ILDR2: variants seen among roughly 807,000 people sequenced by gnomAD.
The protein encoded by ILDR2 is immunoglobulin-like domain-containing receptor 2.
Under a neutral mutation model 66.8 loss-of-function variants are expected in ILDR2, and 25 were observed. That is an observed-to-expected ratio of 0.37 (90% CI 0.27 to 0.52). The LOEUF is 0.52. Ranked by LOEUF, ILDR2 falls within the 20% of genes least tolerant of loss-of-function variation. The probability of loss-of-function intolerance (pLI) is 0.88; values close to 1 mark genes in which losing one functional copy is unlikely to be tolerated. For synonymous variants in ILDR2, 367 were observed against 357.2 expected (o/e 1.03, Z -0.31); for missense variants, 827 against 876.8 (o/e 0.94, Z 0.72).
chr1:166,953,192 T>C (rs1662085974), intron 3 of ILDR2, among the ~76,000 whole-genome samples: 2 of 152,202 alleles, frequency 1.3e-5, no homozygotes, highest in South Asian at 4.1e-4. Context: ...AGGGGACAAC[T>C]GACCAAAGTG....
In ILDR2 at chr1:166,921,091, C is replaced by A; in HGVS notation, c.1500G>T (p.Ala500=). The A allele has an allele frequency of 6.7e-7, 1 of 1,494,012 alleles. No homozygotes were observed. 92.5% of individuals were successfully genotyped at this position (1,494,012 alleles called of 1,614,324 possible). ...DADRGWAFSP[A]RRRPAEDAHL... is the part of the protein sequence containing the mutation. Reference sequence around the variant, plus strand: ...GCGCGTCCTCGGCGGGTCTGCGGCGCGCGGGGCTGAAGGCCCAGCCGCGGT... The same window carrying A: ...GCGCGTCCTCGGCGGGTCTGCGGCGAGCGGGGCTGAAGGCCCAGCCGCGGT... Residue 500 remains alanine (A), a synonymous_variant, in exon 9 of 10, where the codon GCG becomes GCT. Transcript: ENST00000271417. This position sits in a 1 kb window ranked among gnomAD's most constrained non-coding sequence, Gnocchi z 5.3.
At chr1:166,966,632 A>T (rs1199300421) in intron 1 of ILDR2, among the ~76,000 whole-genome samples, 4 of 152,238 alleles carry the variant, frequency 2.6e-5, no homozygotes, top group African/African-American at 9.6e-5. Context: ...CTGCGTAGGT[A>T]AAAGCTAGAA....
rs1465712828 is a variant in ILDR2, at chr1:166,910,344, CT to C, written c.*9010del. On this transcript the variant is annotated 3_prime_UTR_variant, in exon 10 of 10. Transcript: ENST00000271417. Reference sequence around the variant, plus strand: ...AAAACATAATATGGCAAGTTCTAAACTTGCAAAGTGTAAGAAAAACATATCA... The same window carrying C: ...AAAACATAATATGGCAAGTTCTAAACTGCAAAGTGTAAGAAAAACATATCA... The C allele has an allele frequency of 6.6e-6, 1 of 152,148 alleles. No homozygotes were observed. Among genetic ancestry groups the C allele is most frequent in the Non-Finnish European group, 1.5e-5 (1 of 68,024 alleles). The allele number at this position is 152,148 out of a possible 1,614,324, so 9.4% of individuals were successfully genotyped here.
At position 166,921,166 on chromosome 1, in the gene ILDR2, C is replaced by T; in HGVS notation, c.1425G>A (p.Glu475=). Residue 475 remains glutamate, a synonymous_variant, in exon 9 of 10, where the codon GAG becomes GAA. Transcript: ENST00000271417. The surrounding 1 kb of genome is among the most constrained non-coding windows in gnomAD (Gnocchi z 5.3). The part of the protein sequence containing the change: ...HSGFYQDDSL[E]EYYGQRSRSR... ...TGCGGCTGCGCTGACCGTAGTACTC[C>T]TCCAAGGAGTCGTCCTGGTAGAAGC... 6.5e-7 allele frequency: 1 copy of T among 1,549,362 alleles called. No homozygotes were observed. Among genetic ancestry groups the T allele is most frequent in the Non-Finnish European group, 8.7e-7 (1 of 1,154,418 alleles).
rs1369429236 is a variant in ILDR2, at chr1:166,927,112, T to C, written c.949A>G (p.Lys317Glu). The change falls in exon 7 of 10, where the codon AAG (lysine) becomes GAG (glutamate). Residue 317 changes from lysine (K) to glutamate (E), a missense_variant. Lys to Glu is a moderately conservative substitution (Grantham distance 56). This residue lies in a region of ILDR2 where 437 missense variants were observed against 523.2 expected (regional missense o/e 0.84). Transcript: ENST00000271417. ...GCTGGATCAAACTGAGCCAGCTCCTTCTCAACATAGTACAGGACCTTCATG... is the reference window on the plus strand; with the variant it reads ...GCTGGATCAAACTGAGCCAGCTCCTCCTCAACATAGTACAGGACCTTCATG... ...DSMKVLYYVE[K>E]ELAQFDPARR... The C allele has an allele frequency of 1.2e-6, 2 of 1,613,452 alleles. No individual in the cohort carries two copies. The highest frequency in any genetic ancestry group is 1.3e-5 in the African/African-American group (1 of 74,884).
In ILDR2 at chr1:166,914,116, CAA is replaced by C. The variant is rs11443216; in HGVS notation, c.*5237_*5238del. On this transcript the variant is annotated 3_prime_UTR_variant, in exon 10 of 10. Transcript: ENST00000271417. Reference sequence around the variant, plus strand: ...TGGGCCACAGAGCAAGACCCTGTCTCAAAAAAAAAAAAAAGAAAGAAAAAGAA... The same window carrying C: ...TGGGCCACAGAGCAAGACCCTGTCTCAAAAAAAAAAAAGAAAGAAAAAGAA... 3.3e-4 allele frequency: 45 copies of C among 135,648 alleles called. No individual in the cohort carries two copies. The highest frequency in any genetic ancestry group is 3.4e-4 in the Non-Finnish European group (22 of 64,062). The allele number at this position is 135,648 out of a possible 1,614,324, so 8.4% of individuals were successfully genotyped here. A position where few individuals can be genotyped will look rare whatever the true frequency, so the allele number is the denominator to read the frequency against.
chr1:166,959,877 T>C (rs1354693495), intron 1 of ILDR2, among the ~76,000 whole-genome samples: 8 of 152,190 alleles, frequency 5.3e-5, no homozygotes, highest in Non-Finnish European at 8.8e-5. Flanking sequence ...AAGTTCCAAA[T>C]TGAATCCAGG....
chr1:166,958,024 A>T lies in ILDR2; in HGVS notation c.124T>A (p.Cys42Ser), dbSNP rs755561249. 1 of 1,614,136 alleles carries T rather than the reference A, an allele frequency of 6.2e-7. No homozygotes were observed. The highest frequency in any genetic ancestry group is 8.5e-7 in the Non-Finnish European group (1 of 1,180,024). The change falls in exon 2 of 10, where the codon TGC becomes AGC. Residue 42 changes from cysteine to serine, a missense_variant. Transcript: ENST00000271417. ...TGATGGGAGGATGTTGAGAAGTGGC[A>T]GCGAAGCACAGTGGGCTGGAAGAGC... is the stretch of plus-strand genomic sequence containing the variant. ...AMLFQPTVLR[C>S]HFSTSSHQPA...
intron 1 of ILDR2, among the ~76,000 whole-genome samples, chr1:166,958,799 T>C (rs1662437653): frequency 3.9e-5 from 6 of 152,328 alleles, no homozygotes; most frequent in Middle Eastern, 6.8e-3. Context: ...AATCTTTTGT[T>C]TGGTCTCCCT....
chr1:166,898,141 C>T (rs945682965), intron 2 of ILDR2, among the ~76,000 whole-genome samples: 13 of 152,266 alleles, frequency 8.5e-5, no homozygotes, highest in Non-Finnish European at 1.5e-4. Flanking sequence ...GAAATGAAGT[C>T]TAGTTGGGGC....
chr1:166,898,145 T>A lies in ILDR2; in HGVS notation n.172-2044A>T, dbSNP rs142669685. ...GACACCCATAGGAAATGAAGTCTAGTTGGGGCACGAATTTGGTATCATGCC... is the reference window on the plus strand; with the variant it reads ...GACACCCATAGGAAATGAAGTCTAGATGGGGCACGAATTTGGTATCATGCC... On this transcript the variant is annotated intron_variant and non_coding_transcript_variant, in intron 2 of 2. Coordinates refer to the ILDR2 transcript ENST00000414590. Among the ~76,000 whole-genome samples, 21 of 152,292 alleles carry A rather than the reference T, an allele frequency of 1.4e-4. 1 individual carries two copies. The highest frequency in any genetic ancestry group is 4.8e-4 in the African/African-American group (20 of 41,566).
chr1:166,957,462 T>C (rs989487909), intron 2 of ILDR2, among the ~76,000 whole-genome samples: 1 of 152,142 alleles, frequency 6.6e-6, no homozygotes, highest in African/African-American at 2.4e-5. Context: ...AAGAAGTTTT[T>C]CCCCTAAAAC....
At chr1:166,962,706 T>C (rs1394052088) in intron 1 of ILDR2, among the ~76,000 whole-genome samples, 1 of 152,104 alleles carries the variant, frequency 6.6e-6, no homozygotes, top group Non-Finnish European at 1.5e-5. Context: ...TCCTACCTCT[T>C]AGAGTTTTGT....
At position 166,919,756 on chromosome 1, in the gene ILDR2, A is replaced by G. The variant is rs1659790470; in HGVS notation, c.1885-366T>C. Among the ~76,000 whole-genome samples the G allele has an allele frequency of 1.3e-5, 2 of 152,240 alleles. 1 individual carries two copies. The highest frequency in any genetic ancestry group is 4.1e-4 in the South Asian group (2 of 4,834). The stretch of plus-strand genomic sequence containing the variant: ...GCATTTTTTTATTTAAGGAAAAATA[A>G]AATACACTGAATTCCTTTGGAAGGG... On this transcript the variant is annotated intron_variant, in intron 9 of 9. Coordinates refer to ENST00000271417, the MANE Select transcript of ILDR2 (RefSeq NM_199351.3).
At chr1:166,929,836 T>C (rs763245716) in intron 6 of ILDR2, among the ~76,000 whole-genome samples, 35 of 152,176 alleles carry the variant, frequency 2.3e-4, no homozygotes, top group Admixed American at 5.2e-4. Flanking sequence ...AGAATTTTGA[T>C]CAGGAAGGGA....
downstream of ILDR2, among the ~76,000 whole-genome samples, chr1:166,905,153 G>A (rs1050958594): frequency 3.9e-5 from 6 of 151,946 alleles, no homozygotes; most frequent in African/African-American, 9.7e-5. Flanking sequence ...TCAAAATCTC[G>A]TATAAATACT....
At chr1:166,967,577 C>T (rs1389476369) in intron 1 of ILDR2, among the ~76,000 whole-genome samples, 2 of 152,016 alleles carry the variant, frequency 1.3e-5, no homozygotes, top group African/African-American at 4.8e-5. Flanking sequence ...GCCAACATGG[C>T]GAAACCCTGT....
intron 3 of ILDR2, among the ~76,000 whole-genome samples, chr1:166,942,131 T>C (rs1258480183): frequency 2.6e-5 from 4 of 152,240 alleles, no homozygotes; most frequent in Admixed American, 2.6e-4. Flanking sequence ...CCATCTATCT[T>C]GGTTTGTCTA....
chr1:166,956,863 A>C lies in ILDR2; in HGVS notation c.380-11T>G. ...TTTGAAGATCTGCATCTGTTATCAC[A>C]AAAAGAAGGACTCAGTCCTAAAACT... is the stretch of plus-strand genomic sequence containing the variant. On this transcript the variant is annotated splice_polypyrimidine_tract_variant and intron_variant, in intron 2 of 9. Transcript: ENST00000271417. 6.2e-7 allele frequency: 1 copy of C among 1,613,146 alleles called. No individual in the cohort carries two copies. The highest frequency in any genetic ancestry group is 8.5e-7 in the Non-Finnish European group (1 of 1,179,574).
Sources: gnomAD v4.1 joint callset for allele counts (sites outside exome capture counted in the v4.1 genomes callset) on GRCh38, gnomAD v4.1.1 for gene constraint, gnomAD v4.1.1 regional missense constraint, Gnocchi (gnomAD v3.1) non-coding constraint, MANE v1.5 for transcripts, NCBI Gene and HGNC (gene_info 2026-07-23, HGNC 2026-07-21) for gene names.